NRXN3: variants seen among roughly 807,000 people sequenced by gnomAD.
The protein encoded by NRXN3 is neurexin 3.
Under a neutral mutation model 137.6 loss-of-function variants are expected in NRXN3, and 32 were observed. The ratio of observed to expected loss-of-function variants is 0.23; its 90% CI spans 0.18 to 0.31. The LOEUF (loss-of-function observed/expected upper bound fraction) is 0.31. Among genes scored for constraint, NRXN3 ranks in the 10% least tolerant of loss-of-function variants. The pLI is 1.00. For missense variants in NRXN3, 1,574 were observed against 2,062.5 expected, an observed-to-expected ratio of 0.76 and a Z score of 4.59; for synonymous variants, 798 against 784.5, an observed-to-expected ratio of 1.02 and a Z score of -0.29.
At chr14:78,603,721 A>T (rs2097221015) in intron 4 of NRXN3, among the ~76,000 whole-genome samples, 1 of 151,992 alleles carries the variant, frequency 6.6e-6, no homozygotes, top group Admixed American at 6.6e-5. Context: ...TTAGGACAAG[A>T]CCTCTCCTTG....
chr14:79,468,614 T>G (rs996897501), intron 16 of NRXN3, among the ~76,000 whole-genome samples: 2 of 152,206 alleles, frequency 1.3e-5, no homozygotes, highest in Admixed American at 6.5e-5. Context: ...ATTTCATTGC[T>G]GGTCTCTGGA....
chr14:78,296,920 A>G (rs898601587), intron 3 of NRXN3, among the ~76,000 whole-genome samples: 6 of 152,164 alleles, frequency 3.9e-5, no homozygotes, highest in Non-Finnish European at 8.8e-5. Flanking sequence ...TAACAACAGA[A>G]CCAATACAAG....
rs1655155473 is a variant in NRXN3 at position 78,508,588 on chromosome 14, C to G, written c.758-136532C>G. Among the ~76,000 whole-genome samples, 3 of 152,014 alleles carry G rather than the reference C, an allele frequency of 2.0e-5. No homozygotes were observed. In the South Asian group the frequency reaches 6.2e-4, roughly 32 times the overall value. ...CCAGGATATGAGCTATTGATACTAC[C>G]AGGCACACTGAAGTAAGTATTAAGT... is the stretch of plus-strand genomic sequence containing the variant. On this transcript the variant is annotated intron_variant, in intron 4 of 20. Transcript: ENST00000335750.
At chr14:79,181,296 T>C (rs1434958425) in intron 15 of NRXN3, among the ~76,000 whole-genome samples, 1 of 152,122 alleles carries the variant, frequency 6.6e-6, no homozygotes, top group African/African-American at 2.4e-5. Flanking sequence ...ATGTGAAGTA[T>C]ATAGTAGATA....
At chr14:78,482,147 C>T (rs1280623776) in intron 4 of NRXN3, among the ~76,000 whole-genome samples, 3 of 152,186 alleles carry the variant, frequency 2.0e-5, no homozygotes, top group African/African-American at 7.2e-5. Flanking sequence ...TTTATATCAG[C>T]TGACTACTAT....
chr14:79,473,935 G>A (rs2096537103), intron 16 of NRXN3, among the ~76,000 whole-genome samples: 1 of 152,176 alleles, frequency 6.6e-6, no homozygotes, highest in Non-Finnish European at 1.5e-5. Context: ...TGAAGTGACT[G>A]CTTATGTAAC....
intron 4 of NRXN3, among the ~76,000 whole-genome samples, chr14:78,583,534 C>CA (rs1444342918): frequency 1.3e-5 from 2 of 152,008 alleles, no homozygotes; most frequent in African/African-American, 2.4e-5. Flanking sequence ...TAAGCAGATA[C>CA]AAAATCGCTT....
At chr14:79,772,848 A>G (rs1243415714) in intron 19 of NRXN3, among the ~76,000 whole-genome samples, 2 of 152,176 alleles carry the variant, frequency 1.3e-5, no homozygotes, top group Non-Finnish European at 2.9e-5. Flanking sequence ...GCAACCTACA[A>G]AATGGGAGAA....
chr14:78,296,973 C>T (rs2076409052), intron 3 of NRXN3, among the ~76,000 whole-genome samples: 1 of 152,146 alleles, frequency 6.6e-6, no homozygotes, highest in Non-Finnish European at 1.5e-5. Flanking sequence ...AAAATTTTTT[C>T]TTCTTAATAG....
chr14:79,740,471 G>A (rs1472227215), intron 19 of NRXN3, among the ~76,000 whole-genome samples: 2 of 151,448 alleles, frequency 1.3e-5, no homozygotes, highest in Non-Finnish European at 2.9e-5. Context: ...CTTTTCAACC[G>A]TCTCTCTGGA....
At chr14:78,199,415 A>C (rs1009907647) in intron 1 of NRXN3, among the ~76,000 whole-genome samples, 40 of 152,296 alleles carry the variant, frequency 2.6e-4, no homozygotes, top group Admixed American at 1.6e-3. Flanking sequence ...TCTAACATTT[A>C]TTATGCACTT....
chr14:78,227,265 A>C (rs75869070), intron 1 of NRXN3, among the ~76,000 whole-genome samples: 1 of 152,154 alleles, frequency 6.6e-6, no homozygotes, highest in African/African-American at 2.4e-5. Context: ...TTAAGATTCA[A>C]TTGCATCACT....
At chr14:79,189,102 G>GTATT (rs1483801776) in intron 15 of NRXN3, among the ~76,000 whole-genome samples, 3 of 151,710 alleles carry the variant, frequency 2.0e-5, no homozygotes, top group Non-Finnish European at 4.4e-5. Flanking sequence ...GTTTATTGCG[G>GTATT]CACTATTCAC....
intron 10 of NRXN3, among the ~76,000 whole-genome samples, chr14:78,871,090 T>G (rs1345270375): frequency 6.8e-6 from 1 of 147,522 alleles, no homozygotes; most frequent in Admixed American, 6.9e-5. Context: ...GAAGTGGCAT[T>G]ACTAGATCAT....
intron 4 of NRXN3, among the ~76,000 whole-genome samples, chr14:78,550,180 A>T (rs1005416216): frequency 6.6e-6 from 1 of 152,014 alleles, no homozygotes; most frequent in African/African-American, 2.4e-5. Context: ...AACGACAGTC[A>T]TGTGCCACCA....
chr14:78,989,710 A>G (rs545212043), intron 15 of NRXN3, among the ~76,000 whole-genome samples: 91 of 152,306 alleles, frequency 6.0e-4, no homozygotes, highest in African/African-American at 2.1e-3. Flanking sequence ...TTGTCAGTAT[A>G]GCACTCACTA....
intron 16 of NRXN3, among the ~76,000 whole-genome samples, chr14:79,610,995 T>C (rs2098091420): frequency 6.6e-6 from 1 of 152,156 alleles, no homozygotes; most frequent in Non-Finnish European, 1.5e-5. Flanking sequence ...GTTTTCTACT[T>C]GGGCATAGTC....
intron 19 of NRXN3, among the ~76,000 whole-genome samples, chr14:79,700,581 G>C (rs2098751037): frequency 6.6e-6 from 1 of 152,002 alleles, no homozygotes; most frequent in Non-Finnish European, 1.5e-5. Flanking sequence ...TAAAGCATAA[G>C]CAAAGAAAAC....
intron 3 of NRXN3, among the ~76,000 whole-genome samples, chr14:78,295,853 T>A (rs1765839521): frequency 6.6e-6 from 1 of 152,154 alleles, no homozygotes; most frequent in African/African-American, 2.4e-5. Flanking sequence ...AAATGTCCTG[T>A]TCACTATTTA....
Sources: gnomAD v4.1 joint callset for allele counts (sites outside exome capture counted in the v4.1 genomes callset) on GRCh38, gnomAD v4.1.1 for gene constraint, MANE v1.5 for transcripts, NCBI Gene and HGNC (gene_info 2026-07-23, HGNC 2026-07-21) for gene names.